The following DDX55 variants were observed in gnomAD, a reference collection of about 807,000 sequenced individuals.
DDX55 encodes DEAD-box helicase 55.
DDX55 carries 56 observed loss-of-function variants against 69.2 expected under a neutral mutation model. The ratio of observed to expected loss-of-function variants is 0.81; its 90% CI spans 0.65 to 1.01. The LOEUF is 1.01. Ranked by LOEUF, DDX55 falls within the 50% of genes least tolerant of loss-of-function variation. The pLI, the probability that DDX55 is intolerant of heterozygous loss-of-function variation, is 0.00. For missense variants in DDX55, 720 were observed against 745.1 expected (o/e 0.97, Z 0.39); for synonymous variants, 268 against 273.1 (o/e 0.98, Z 0.18).
chr12:123,618,984 C>T, intron 12 of DDX55, 147 bp downstream of exon 12: 1 of 1,240,122 alleles, frequency 8.1e-7, no homozygotes, highest in Non-Finnish European at 1.1e-6. Context: ...CTGAGTATTC[C>T]TTTTAACTTT....
intron 7 of DDX55, among the ~76,000 whole-genome samples, chr12:123,610,633 A>G (rs1593697547): frequency 8.5e-6 from 1 of 117,178 alleles, no homozygotes; most frequent in East Asian, 2.3e-4. Flanking sequence ...TTTTTTTGAG[A>G]CAGAGTCTGG....
rs971553415 is a variant in DDX55, at chr12:123,618,465, A to G, written c.1165-204A>G. The G allele has an allele frequency of 6.8e-6, 10 of 1,478,078 alleles. No individual in the cohort carries two copies. The East Asian group carries it at 9.4e-5, about 14-fold the overall frequency. The allele number at this position is 1,478,078 out of a possible 1,614,324, so 91.6% of individuals were successfully genotyped here. ...ACTTTGCTACCAGATTAGGATTGTC[A>G]TGTGAAATCTGATTTTTAAATTTTC... On this transcript the variant is annotated intron_variant, in intron 11 of 13. Transcript: ENST00000238146.
rs1955053162 is a variant in DDX55 at position 123,620,576 on chromosome 12, CATATTATAT to C, written c.*441_*449del. On this transcript the variant is annotated 3_prime_UTR_variant, in exon 14 of 14. Transcript: ENST00000238146. ...GATGGGTCACATATAGACATATGTA[CATATTATAT>C]ATATATATATATATATATATATATA... is the stretch of plus-strand genomic sequence containing the variant. The C allele has an allele frequency of 3.4e-5, 2 of 59,646 alleles. No individual in the cohort carries two copies. The highest frequency in any genetic ancestry group is 1.2e-4 in the African/African-American group (2 of 16,146). 3.7% of individuals were successfully genotyped at this position (59,646 alleles called of 1,614,324 possible). A position where few individuals can be genotyped will look rare whatever the true frequency, so the allele number is the denominator to read the frequency against.
At position 123,618,746 on chromosome 12, in the gene DDX55, C is replaced by T; in HGVS notation, c.1242C>T (p.Asp414=). The T allele has an allele frequency of 1.9e-6, 3 of 1,614,102 alleles. No individual in the cohort carries two copies. The highest frequency in any genetic ancestry group is 2.5e-6 in the Non-Finnish European group (3 of 1,180,028). ...LPKLKSMALA[D]RAVFEKGMKA... is the part of the protein sequence containing the mutation. Reference sequence around the variant, plus strand: ...AACTCAAGTCCATGGCCCTGGCTGACAGAGCTGTGTTTGAAAAGGGCATGA... The same window carrying T: ...AACTCAAGTCCATGGCCCTGGCTGATAGAGCTGTGTTTGAAAAGGGCATGA... Residue 414 remains aspartate (D), a synonymous_variant, in exon 12 of 14, where the codon GAC becomes GAT. Transcript: ENST00000238146.
chr12:123,610,895 T>TTTTG (rs1390949520), intron 7 of DDX55, among the ~76,000 whole-genome samples: 2 of 142,098 alleles, frequency 1.4e-5, no homozygotes, highest in African/African-American at 5.3e-5. Context: ...CGGCCGTTTT[T>TTTTG]TTTTGTTTGT....
At chr12:123,606,239 A>G in intron 3 of DDX55, 80 bp downstream of exon 3, 3 of 1,536,814 alleles carry the variant, frequency 2.0e-6, no homozygotes, top group South Asian at 1.2e-5. Flanking sequence ...TACAAATGTG[A>G]AAAAATAGGC....
intron 9 of DDX55, among the ~76,000 whole-genome samples, chr12:123,615,921 G>A (rs1954626464): frequency 6.6e-6 from 1 of 152,210 alleles, no homozygotes. Flanking sequence ...GGCGGAGCTT[G>A]CAGTGAGCCG....
chr12:123,615,000 GC>G (rs1361236696), intron 8 of DDX55, among the ~76,000 whole-genome samples, 184 bp from the exon 9 acceptor site: 1 of 152,138 alleles, frequency 6.6e-6, no homozygotes, highest in African/African-American at 2.4e-5. Flanking sequence ...CCTTTCATTG[GC>G]TGAGAGGATT....
Position 123,617,859 on chromosome 12 carries a change from C to A in DDX55, c.1151C>A (p.Ala384Glu), listed in dbSNP as rs893634622. Residue 384 changes from alanine to glutamate, a missense_variant, in exon 11 of 14, where the codon GCA becomes GAA. Transcript: ENST00000238146. ...PMEESYINFL[A>E]INQKCPLQEM... The stretch of plus-strand genomic sequence containing the variant: ...GAAGAGTCATACATCAATTTCCTTG[C>A]AATTAACCAAAAAGTAAGCTGCCGT... The A allele has an allele frequency of 2.5e-6, 4 of 1,614,006 alleles. No individual in the cohort carries two copies. The African/African-American group carries it at 5.3e-5, about 22-fold the overall frequency.
intron 5 of DDX55, chr12:123,608,267 C>CT (rs71088939): frequency 4.2e-4 from 69 of 164,974 alleles, no homozygotes; most frequent in Admixed American, 8.5e-4. Context: ...GGTTGGTAAG[C>CT]TTTTTTTTTA....
At chr12:123,607,782 A>G (rs1953984345) in intron 5 of DDX55, 120 bp downstream of exon 5, 1 of 1,424,016 alleles carries the variant, frequency 7.0e-7, no homozygotes. Context: ...CCCTGCAAAA[A>G]GGTGTTTTCT....
rs1481657176 is a variant in DDX55, at chr12:123,617,789, C to T, written c.1081C>T (p.Arg361Cys). ...AFVHRCGRTA[R>C]IGHGGSALVF... ...CGTGCATCGCTGCGGTCGCACAGCT[C>T]GCATTGGCCACGGGGGCAGCGCTCT... The change falls in exon 11 of 14, where the codon CGC (arginine) becomes TGC (cysteine). Residue 361 changes from arginine to cysteine, a missense_variant. Coordinates refer to ENST00000238146, the MANE Select transcript of DDX55 (RefSeq NM_020936.3). 55 of 1,613,402 alleles carry T rather than the reference C, an allele frequency of 3.4e-5. No individual in the cohort carries two copies. Among genetic ancestry groups the T allele is most frequent in the Middle Eastern group, 1.7e-4 (1 of 5,874 alleles).
At chr12:123,614,893 C>T (rs998765212) in intron 8 of DDX55, among the ~76,000 whole-genome samples, 1 of 152,068 alleles carries the variant, frequency 6.6e-6, no homozygotes, top group Non-Finnish European at 1.5e-5. Context: ...ATTCCTTTCT[C>T]GGGGTCAGGG....
Position 123,617,880 on chromosome 12 carries a change from G to A in DDX55, c.1164+8G>A. 1 of 1,597,348 alleles carries A rather than the reference G, an allele frequency of 6.3e-7. No homozygotes were observed. Among genetic ancestry groups the A allele is most frequent in the South Asian group, 1.1e-5 (1 of 90,568 alleles). On this transcript the variant is annotated splice_region_variant and intron_variant, in intron 11 of 13. Transcript: ENST00000238146. ...CTTGCAATTAACCAAAAAGTAAGCT[G>A]CCGTCCGTTTTCAGATAGAATGCCT...
At position 123,606,137 on chromosome 12, in the gene DDX55, A is replaced by T. The variant is rs772440374; in HGVS notation, c.224A>T (p.Glu75Val). The T allele has an allele frequency of 2.5e-6, 4 of 1,614,146 alleles. No individual in the cohort carries two copies. In the Admixed American group the frequency reaches 5.0e-5, roughly 20 times the overall value. ...ATCCTGGAAATTCTTCTGAGAAGAG[A>T]AGAGAAGTTAAAAAAGAGTCAGGTG... Reference protein sequence around the residue: ...IPILEILLRREEKLKKSQVGA... With the variant: ...IPILEILLRRVEKLKKSQVGA... Residue 75 changes from glutamate (E) to valine (V), a missense_variant, in exon 3 of 14, where the codon GAA (glutamate) becomes GTA (valine). Glu to Val is a moderately radical substitution (Grantham distance 121, BLOSUM62 -2). Transcript: ENST00000238146.
intron 6 of DDX55, among the ~76,000 whole-genome samples, chr12:123,609,701 A>T (rs1231074021): frequency 6.6e-6 from 1 of 152,138 alleles, no homozygotes; most frequent in Non-Finnish European, 1.5e-5. Flanking sequence ...AAACAGCTTT[A>T]TGGGATATAA....
chr12:123,619,812 A>G, intron 13 of DDX55, 88 bp downstream of exon 13: 9 of 1,518,220 alleles, frequency 5.9e-6, no homozygotes, highest in Non-Finnish European at 7.0e-6. Context: ...TGGGGCTGTC[A>G]GATTTCTGTT....
chr12:123,603,681 A>T (rs758577545), intron 1 of DDX55, among the ~76,000 whole-genome samples: 11 of 150,980 alleles, frequency 7.3e-5, no homozygotes, highest in Admixed American at 1.3e-4. Context: ...GAGCTACCGC[A>T]CCCGGCTGAT....
chr12:123,620,302 A>C lies in DDX55; in HGVS notation c.*162A>C. The C allele has an allele frequency of 1.5e-6, 1 of 684,826 alleles. No individual in the cohort carries two copies. Among genetic ancestry groups the C allele is most frequent in the East Asian group, 2.9e-5 (1 of 34,374 alleles). 42.4% of individuals were successfully genotyped at this position (684,826 alleles called of 1,614,324 possible). Reference sequence around the variant, plus strand: ...ATGAGGGAGAAATGAAGGATTTCACACTTCAGAATATTTTACTAAAAACAT... The same window carrying C: ...ATGAGGGAGAAATGAAGGATTTCACCCTTCAGAATATTTTACTAAAAACAT... On this transcript the variant is annotated 3_prime_UTR_variant, in exon 14 of 14. Coordinates refer to ENST00000238146, the MANE Select transcript of DDX55 (RefSeq NM_020936.3).
Sources: gnomAD v4.1 joint callset for allele counts (sites outside exome capture counted in the v4.1 genomes callset) on GRCh38, gnomAD v4.1.1 for gene constraint, MANE v1.5 for transcripts, NCBI Gene and HGNC (gene_info 2026-07-23, HGNC 2026-07-21) for gene names.